Variants in EXOSC7 observed in about 807,000 individuals in gnomAD.
The protein encoded by EXOSC7 is exosome complex component RRP42.
In EXOSC7, 25 loss-of-function variants were observed where a neutral mutation model predicts 34.3. The observed-to-expected ratio is 0.73, with a 90% CI of 0.53 to 1.02. The LOEUF (loss-of-function observed/expected upper bound fraction) is 1.02, where lower values mean the gene tolerates loss of function less well. Ranked by LOEUF, EXOSC7 falls within the 50% of genes least tolerant of loss-of-function variation. EXOSC7 has a pLI of 0.00. For missense variants in EXOSC7, 370 were observed against 368.5 expected (o/e 1.00, Z -0.03); for synonymous variants, 130 against 143.0 (o/e 0.91, Z 0.65).
chr3:44,987,327 A>G (rs777470866), intron 1 of EXOSC7, among the ~76,000 whole-genome samples: 8 of 152,258 alleles, frequency 5.3e-5, no homozygotes, highest in Non-Finnish European at 1.2e-4. Flanking sequence ...TCTCAGAACT[A>G]TAGTGATAGC....
intron 3 of EXOSC7, among the ~76,000 whole-genome samples, chr3:44,990,654 T>G (rs541841943): frequency 6.6e-6 from 1 of 152,360 alleles, no homozygotes; most frequent in South Asian, 2.1e-4. Flanking sequence ...ATTTGTGACA[T>G]TTCTGCCCAG....
At chr3:44,990,563 C>T (rs1706541902) in intron 3 of EXOSC7, among the ~76,000 whole-genome samples, 1 of 152,106 alleles carries the variant, frequency 6.6e-6, no homozygotes, top group Non-Finnish European at 1.5e-5. Flanking sequence ...AGACCACCTC[C>T]ACATTCAGAG....
chr3:45,003,840 A>G (rs1346242191), intron 5 of EXOSC7, among the ~76,000 whole-genome samples: 2 of 152,170 alleles, frequency 1.3e-5, no homozygotes, highest in South Asian at 2.1e-4. Flanking sequence ...ATCATATACT[A>G]TGTTCTGTTT....
intron 4 of EXOSC7, among the ~76,000 whole-genome samples, chr3:44,999,918 T>C (rs1401223787): frequency 6.6e-6 from 1 of 152,152 alleles, no homozygotes; most frequent in Non-Finnish European, 1.5e-5. Flanking sequence ...CTAATTTCTT[T>C]TTACCAACTG....
chr3:44,976,262 G>A lies in EXOSC7; in HGVS notation c.-16G>A, dbSNP rs1382542220. ...CGCGCGCAGATGACGTGCGGCTCGTGGGGCAGCTCGGCAGCATGGCGTCCG... is the reference window on the plus strand; with the variant it reads ...CGCGCGCAGATGACGTGCGGCTCGTAGGGCAGCTCGGCAGCATGGCGTCCG... On this transcript the variant is annotated 5_prime_UTR_variant, in exon 1 of 8. It introduces an in-frame stop codon into an upstream open reading frame of the 5' UTR. Transcript: ENST00000265564. 1 of 1,546,546 alleles carries A rather than the reference G, an allele frequency of 6.5e-7. No individual in the cohort carries two copies. The highest frequency in any genetic ancestry group is 8.7e-7 in the Non-Finnish European group (1 of 1,153,708).
chr3:45,001,559 T>G lies in EXOSC7; in HGVS notation c.442T>G (p.Leu148Val), dbSNP rs774516290. ...TTAGCTTCTGGAATGTGGTGGAAAT[T>G]TGTTTGATGCCATTTCCATTGCTGT... ...DVLLLECGGN[L>V]FDAISIAVKA... The change falls in exon 5 of 8, where the codon TTG becomes GTG. Residue 148 changes from leucine to valine, a missense_variant. Leu to Val is a conservative substitution (Grantham distance 32). Transcript: ENST00000265564. 1 of 1,613,792 alleles carries G rather than the reference T, an allele frequency of 6.2e-7. No homozygotes were observed. The highest frequency in any genetic ancestry group is 8.5e-7 in the Non-Finnish European group (1 of 1,179,640).
chr3:45,005,816 G>A (rs535508781), intron 6 of EXOSC7, among the ~76,000 whole-genome samples: 16 of 152,230 alleles, frequency 1.1e-4, no homozygotes, highest in African/African-American at 3.6e-4. Flanking sequence ...CAGGTCTTGG[G>A]TATCATGAGT....
At chr3:44,990,605 C>G (rs906296177) in intron 3 of EXOSC7, among the ~76,000 whole-genome samples, 2 of 152,166 alleles carry the variant, frequency 1.3e-5, no homozygotes, top group African/African-American at 4.8e-5. Context: ...GTGATACTCA[C>G]AGCTAAGGTT....
intron 7 of EXOSC7, among the ~76,000 whole-genome samples, chr3:45,009,860 T>G (rs1218400715): frequency 6.6e-6 from 1 of 152,214 alleles, no homozygotes; most frequent in Non-Finnish European, 1.5e-5. Context: ...AAGGCCTTTT[T>G]GACCTTTAAC....
chr3:45,001,317 C>T (rs1301269138), intron 4 of EXOSC7, among the ~76,000 whole-genome samples: 2 of 152,014 alleles, frequency 1.3e-5, no homozygotes, highest in East Asian at 1.9e-4. Flanking sequence ...GTGGCGCACA[C>T]GTGTAATCCC....
chr3:45,005,764 G>A (rs1182729492), intron 6 of EXOSC7, among the ~76,000 whole-genome samples: 1 of 152,146 alleles, frequency 6.6e-6, no homozygotes, highest in African/African-American at 2.4e-5. Flanking sequence ...AGTAGTGGCA[G>A]GGTGGCGAAC....
intron 6 of EXOSC7, among the ~76,000 whole-genome samples, chr3:45,006,062 T>A (rs1418345363): frequency 6.9e-6 from 1 of 144,198 alleles, no homozygotes; most frequent in African/African-American, 2.5e-5. Flanking sequence ...GGATGTTGGG[T>A]CTTGGCTTTT....
rs773101876 is a variant in EXOSC7, at chr3:44,997,164, G to C, written c.332G>C (p.Arg111Pro). 2 of 1,613,756 alleles carry C rather than the reference G, an allele frequency of 1.2e-6. No homozygotes were observed. Among genetic ancestry groups the C allele is most frequent in the Admixed American group, 1.7e-5 (1 of 59,940 alleles). Residue 111 changes from arginine to proline, a missense_variant, in exon 4 of 8, where the codon CGG (arginine) becomes CCG (proline). Arg to Pro is a moderately radical substitution (Grantham distance 103, BLOSUM62 -2). This residue lies in a region of EXOSC7 where 255 missense variants were observed against 246.4 expected (regional missense o/e 1.03). Coordinates refer to ENST00000265564, the MANE Select transcript of EXOSC7 (RefSeq NM_015004.4). ...LGTEIANTLYRIFNNKSSVDL... is the reference protein window; with the variant it reads ...LGTEIANTLYPIFNNKSSVDL... ...ACCGAGATCGCTAACACCCTCTATC[G>C]GATATTTAACAATAAAAGCAGTGTC... is the stretch of plus-strand genomic sequence containing the variant.
intron 1 of EXOSC7, among the ~76,000 whole-genome samples, chr3:44,987,083 G>A (rs1706441048): frequency 9.9e-6 from 1 of 100,878 alleles, no homozygotes; most frequent in Non-Finnish European, 1.9e-5. Context: ...CATATATATA[G>A]TTAAGTGTTA....
At chr3:44,989,799 A>G (rs752278587) in intron 3 of EXOSC7, among the ~76,000 whole-genome samples, 155 bp downstream of exon 3, 7 of 152,202 alleles carry the variant, frequency 4.6e-5, no homozygotes, top group Non-Finnish European at 1.0e-4. Context: ...TGCCAGGTAC[A>G]TAGTCAGGAC....
intron 4 of EXOSC7, among the ~76,000 whole-genome samples, chr3:44,999,685 T>C (rs1471507723): frequency 6.6e-6 from 1 of 151,202 alleles, no homozygotes; most frequent in East Asian, 1.9e-4. Flanking sequence ...TGAGAATCCA[T>C]CTTTAAAAAA....
In EXOSC7 at chr3:44,976,275, A is replaced by C. The variant is rs756036427; in HGVS notation, c.-3A>C. 5 of 1,559,002 alleles carry C rather than the reference A, an allele frequency of 3.2e-6. No homozygotes were observed. The highest frequency in any genetic ancestry group is 2.0e-5 in the Admixed American group (1 of 49,812). On this transcript the variant is annotated 5_prime_UTR_variant, in exon 1 of 8. Transcript: ENST00000265564. ...CGTGCGGCTCGTGGGGCAGCTCGGC[A>C]GCATGGCGTCCGTGACGCTGAGCGA...
chr3:44,991,807 A>G (rs546466930), intron 3 of EXOSC7, among the ~76,000 whole-genome samples: 1 of 152,264 alleles, frequency 6.6e-6, no homozygotes, highest in South Asian at 2.1e-4. Flanking sequence ...GTGGGTCTCA[A>G]AAGGATCCCC....
At chr3:44,995,533 G>C (rs955230898) in intron 3 of EXOSC7, among the ~76,000 whole-genome samples, 1 of 152,194 alleles carries the variant, frequency 6.6e-6, no homozygotes, top group Non-Finnish European at 1.5e-5. Context: ...ACTTAATATT[G>C]ATTGCTTAGT....
Sources: allele counts gnomAD v4.1 joint callset (sites outside exome capture counted in the v4.1 genomes callset), GRCh38; gene constraint gnomAD v4.1.1; regional missense constraint gnomAD v4.1.1; transcripts MANE v1.5; gene names NCBI Gene and HGNC (gene_info 2026-07-23, HGNC 2026-07-21).